AIM2: variants seen among roughly 807,000 people sequenced by gnomAD.
AIM2 encodes interferon-inducible protein AIM2.
Under a neutral mutation model 27.7 loss-of-function variants are expected in AIM2, and 30 were observed. That is an observed-to-expected ratio of 1.08 (90% CI 0.81 to 1.47). The LOEUF (loss-of-function observed/expected upper bound fraction) is 1.47, where lower values mean the gene tolerates loss of function less well. AIM2 is among the 40% of genes most tolerant of loss of function. The probability of loss-of-function intolerance (pLI) is 0.00; values close to 1 mark genes in which losing one functional copy is unlikely to be tolerated. For synonymous variants in AIM2, 141 were observed against 145.3 expected (o/e 0.97, Z 0.21); for missense variants, 358 against 411.3 (o/e 0.87, Z 1.12).
chr1:159,089,381 A>G (rs181532756), intron 1 of AIM2, among the ~76,000 whole-genome samples: 1 of 152,220 alleles, frequency 6.6e-6, no homozygotes, highest in Non-Finnish European at 1.5e-5. Context: ...GCACTAAAAA[A>G]CACTGCCTCC....
At chr1:159,074,065 A>C (rs559550955) in intron 1 of AIM2, among the ~76,000 whole-genome samples, 201 of 152,178 alleles carry the variant, frequency 1.3e-3, no homozygotes, top group African/African-American at 4.6e-3. Context: ...ACAACAACAA[A>C]AAGGAAACAG....
At position 159,065,954 on chromosome 1, in the gene AIM2, G is replaced by A. The variant is rs1052080482; in HGVS notation, c.772C>T (p.Gln258Ter). The A allele has an allele frequency of 6.2e-7, 1 of 1,614,038 alleles. No homozygotes were observed. The highest frequency in any genetic ancestry group is 8.5e-7 in the Non-Finnish European group (1 of 1,179,986). The change falls in exon 4 of 6, where the codon CAG (glutamine) becomes TAG (stop). Residue 258 changes from glutamine (Q) to a stop codon, truncating the protein, a stop_gained. Transcript: ENST00000368130. LOFTEE classifies it high-confidence loss of function. The stretch of plus-strand genomic sequence containing the variant: ...CCATTCACAATTGTTCCAAGGGGCT[G>A]AGTTTGAAGCGTGTTGATCTTCGGG... ...ETPKINTLQT[Q>*]PLGTIVNGLF... is the part of the protein sequence containing the mutation.
At chr1:159,098,471 G>GTTTC (rs112232953) in intron 1 of AIM2, among the ~76,000 whole-genome samples, 8,507 of 151,832 alleles carry the variant, frequency 0.056, 547 homozygotes, top group East Asian at 0.31. Flanking sequence ...CATTCCAAGT[G>GTTTC]TTTCATAGTC....
In AIM2 at chr1:159,063,473, A is replaced by C. The variant is rs1011616319; in HGVS notation, c.1005+13T>G. 5 of 1,604,632 alleles carry C rather than the reference A, an allele frequency of 3.1e-6. No individual in the cohort carries two copies. Among genetic ancestry groups the C allele is most frequent in the Non-Finnish European group, 4.2e-6 (5 of 1,176,594 alleles). On this transcript the variant is annotated intron_variant, in intron 5 of 5. Coordinates refer to ENST00000368130, the MANE Select transcript of AIM2 (RefSeq NM_004833.3). The stretch of plus-strand genomic sequence containing the variant: ...CCCCTTGGAGAGTTGACTTTGTTCC[A>C]TGCAGTTCCCACCTTTATGGTGCTA...
chr1:159,064,412 C>A (rs890512751), intron 4 of AIM2, among the ~76,000 whole-genome samples: 3 of 152,116 alleles, frequency 2.0e-5, no homozygotes, highest in Non-Finnish European at 4.4e-5. Flanking sequence ...GGGCCAGCAG[C>A]CAGATTAGTC....
chr1:159,075,841 A>G (rs1353456405), intron 1 of AIM2, among the ~76,000 whole-genome samples: 1 of 152,182 alleles, frequency 6.6e-6, no homozygotes, highest in Non-Finnish European at 1.5e-5. Context: ...AAGAACAGGA[A>G]AAGATGTTTA....
intron 1 of AIM2, among the ~76,000 whole-genome samples, chr1:159,105,615 G>A (rs541526002): frequency 3.5e-4 from 53 of 152,218 alleles, no homozygotes; most frequent in African/African-American, 1.1e-3. Context: ...AGGTCGTCCC[G>A]ATGAGTGTCC....
Position 159,063,645 on chromosome 1 carries a change from AAAT to A in AIM2, c.843_845del (p.Leu281del). On this transcript the variant is annotated inframe_deletion, in exon 5 of 6. Transcript: ENST00000368130. ...TTTTCCCAGTGTTGTCACTTAGGTC[AAAT>A]AATATGTTTTTCTTCTTTTCTGTTA... is the stretch of plus-strand genomic sequence containing the variant. 6.2e-7 allele frequency: 1 copy of A among 1,612,994 alleles called. No individual in the cohort carries two copies.
intron 1 of AIM2, among the ~76,000 whole-genome samples, chr1:159,098,491 T>C (rs944399284): frequency 4.6e-5 from 7 of 152,232 alleles, no homozygotes; most frequent in Non-Finnish European, 1.0e-4. Context: ...CATATGTGCT[T>C]AGCGGCTACT....
intron 1 of AIM2, among the ~76,000 whole-genome samples, chr1:159,105,263 C>T (rs770641439): frequency 1.6e-4 from 24 of 152,342 alleles, no homozygotes; most frequent in Middle Eastern, 3.4e-3. Flanking sequence ...CTGCAACTGG[C>T]GTCTGGACAG....
intron 1 of AIM2, among the ~76,000 whole-genome samples, chr1:159,093,733 CAGAGAGAGAG>C (rs57305983): frequency 2.8e-5 from 4 of 143,878 alleles, no homozygotes; most frequent in Non-Finnish European, 4.6e-5. Flanking sequence ...TATATATATA[CAGAGAGAGAG>C]AGAGAGAGAG....
intron 1 of AIM2, among the ~76,000 whole-genome samples, chr1:159,110,737 A>G (rs2102028119): frequency 6.6e-6 from 1 of 152,308 alleles, no homozygotes; most frequent in East Asian, 1.9e-4. Context: ...CTGCCCCTCT[A>G]GATTACATAA....
chr1:159,119,116 G>A (rs1647461355), intron 1 of AIM2, among the ~76,000 whole-genome samples: 1 of 152,116 alleles, frequency 6.6e-6, no homozygotes, highest in Non-Finnish European at 1.5e-5. Flanking sequence ...GTGCCAAAGA[G>A]TGAAAGCATG....
chr1:159,071,647 T>C (rs1335104021), intron 2 of AIM2, among the ~76,000 whole-genome samples: 2 of 152,206 alleles, frequency 1.3e-5, no homozygotes, highest in Non-Finnish European at 2.9e-5. Context: ...GTAGCTGGCA[T>C]TACAGATGCC....
intron 1 of AIM2, among the ~76,000 whole-genome samples, chr1:159,109,873 G>A (rs1301566381): frequency 2.6e-5 from 4 of 152,200 alleles, no homozygotes; most frequent in Non-Finnish European, 4.4e-5. Flanking sequence ...CCTTACTCCT[G>A]AAAGAATGGC....
At chr1:159,063,425 T>C (rs571564303) in intron 5 of AIM2, 61 bp downstream of exon 5, 982 of 1,514,674 alleles carry the variant, frequency 6.5e-4, no homozygotes, top group Admixed American at 1.0e-3. Context: ...TCCGGCTTTC[T>C]GATAGAAAAC....
intron 1 of AIM2, among the ~76,000 whole-genome samples, chr1:159,119,885 TAC>T: frequency 6.6e-6 from 1 of 152,096 alleles, no homozygotes; most frequent in African/African-American, 2.4e-5. Context: ...CACTCACACA[TAC>T]AGAGAGACTT....
chr1:159,063,353 G>A (rs2101960538), intron 5 of AIM2, 133 bp downstream of exon 5: 1 of 814,608 alleles, frequency 1.2e-6, no homozygotes, highest in South Asian at 2.2e-5. Flanking sequence ...CCTCAGTTCT[G>A]TGAGATGAAC....
chr1:159,102,656 A>C (rs1409832555), intron 1 of AIM2, among the ~76,000 whole-genome samples: 1 of 152,238 alleles, frequency 6.6e-6, no homozygotes, highest in Non-Finnish European at 1.5e-5. Context: ...GATATGAGAC[A>C]TGGAGTCAAA....
Sources: allele counts gnomAD v4.1 joint callset (sites outside exome capture counted in the v4.1 genomes callset), GRCh38; gene constraint gnomAD v4.1.1; transcripts MANE v1.5; gene names NCBI Gene and HGNC (gene_info 2026-07-23, HGNC 2026-07-21).